The following GCC2 variants were observed in gnomAD, a reference collection of about 807,000 sequenced individuals.
The protein encoded by GCC2 is GRIP and coiled-coil domain containing 2.
In GCC2, 120 loss-of-function variants were observed where a neutral mutation model predicts 210.6. That is an observed-to-expected ratio of 0.57 (90% CI 0.49 to 0.66). GCC2 has a LOEUF of 0.66. GCC2 is among the 30% of genes least tolerant of loss of function. The pLI is 0.00. For missense variants in GCC2, 1,868 were observed against 1,871.9 expected, an observed-to-expected ratio of 1.00 and a Z score of 0.04; for synonymous variants, 703 against 652.7, an observed-to-expected ratio of 1.08 and a Z score of -1.17.
chr2:108,480,500 G>A (rs191677057), intron 9 of GCC2, among the ~76,000 whole-genome samples: 17 of 152,226 alleles, frequency 1.1e-4, no homozygotes, highest in East Asian at 7.7e-4. Flanking sequence ...GGAATCAACC[G>A]AAAGGCCTGT....
chr2:108,468,583 T>G (rs1681024922), intron 4 of GCC2, among the ~76,000 whole-genome samples: 1 of 152,210 alleles, frequency 6.6e-6, no homozygotes. Flanking sequence ...GCTTACTCTC[T>G]GACTGGTCCC....
intron 9 of GCC2, among the ~76,000 whole-genome samples, chr2:108,478,582 C>T (rs1414081572): frequency 6.6e-6 from 1 of 152,156 alleles, no homozygotes; most frequent in Non-Finnish European, 1.5e-5. Flanking sequence ...AAGCGTCTAC[C>T]CTACATAAGG....
intron 4 of GCC2, among the ~76,000 whole-genome samples, chr2:108,456,319 G>T (rs1318954723): frequency 6.6e-6 from 1 of 152,166 alleles, no homozygotes; most frequent in Non-Finnish European, 1.5e-5. Flanking sequence ...TAGTGACTAT[G>T]CTTACCTACA....
At chr2:108,482,260 A>T (rs1208249682) in intron 10 of GCC2, 27 bp from the exon 11 acceptor site, 5 of 1,411,588 alleles carry the variant, frequency 3.5e-6, no homozygotes, top group Admixed American at 1.9e-5. Flanking sequence ...TTGCATGTTT[A>T]TAGTAATGAA....
rs745847876 is a variant in GCC2, at chr2:108,471,814, C to T, written c.2485C>T (p.Leu829Phe). ...QEESVVQCEE[L>F]KSLLRDYEQE... ...AGAGAGTGTAGTTCAGTGTGAAGAA[C>T]TTAAGTCTTTATTGAGAGACTATGA... The change falls in exon 6 of 23, where the codon CTT (leucine) becomes TTT (phenylalanine). Residue 829 changes from leucine (L) to phenylalanine (F), a missense_variant. Leu to Phe is a conservative substitution (Grantham distance 22). Coordinates refer to ENST00000309863, the MANE Select transcript of GCC2 (RefSeq NM_181453.4). The T allele has an allele frequency of 6.2e-7, 1 of 1,613,322 alleles. No homozygotes were observed. Among genetic ancestry groups the T allele is most frequent in the Non-Finnish European group, 8.5e-7 (1 of 1,179,466 alleles).
intron 21 of GCC2, among the ~76,000 whole-genome samples, chr2:108,498,654 G>A (rs1049486576): frequency 1.3e-5 from 2 of 152,160 alleles, no homozygotes; most frequent in African/African-American, 4.8e-5. Flanking sequence ...TTTCAACCTG[G>A]AAATCTTCCT....
Position 108,487,796 on chromosome 2 carries a change from A to AG in GCC2, c.4028_4029insG (p.Thr1344AsnfsTer2). On this transcript the variant is annotated frameshift_variant, in exon 17 of 23. Coordinates refer to ENST00000309863, the MANE Select transcript of GCC2 (RefSeq NM_181453.4). LOFTEE classifies it high-confidence loss of function. ...AAAAATAAATCTATGTCTCAGGCTG[A>AG]AACTGAGGGCGCTAAACAAGAAAGG... 6.2e-7 allele frequency: 1 copy of AG among 1,613,626 alleles called. No individual in the cohort carries two copies. Among genetic ancestry groups the AG allele is most frequent in the Non-Finnish European group, 8.5e-7 (1 of 1,179,778 alleles).
At chr2:108,453,824 ATTC>A (rs1558726311) in intron 4 of GCC2, among the ~76,000 whole-genome samples, 2 of 150,246 alleles carry the variant, frequency 1.3e-5, no homozygotes. Flanking sequence ...TGAGTTGCTT[ATTC>A]TTATTTCCAC....
chr2:108,505,548 ACT>A (rs748223339), intron 22 of GCC2, among the ~76,000 whole-genome samples: 7 of 152,118 alleles, frequency 4.6e-5, no homozygotes, highest in South Asian at 2.1e-4. Context: ...TTGCTAGCGG[ACT>A]CTCTGTCTTC....
Position 108,483,164 on chromosome 2 carries a change from A to C in GCC2, c.3448A>C (p.Lys1150Gln). 7.2e-7 allele frequency: 1 copy of C among 1,392,196 alleles called. No homozygotes were observed. The highest frequency in any genetic ancestry group is 1.2e-5 in the South Asian group (1 of 85,480). 86.2% of individuals were successfully genotyped at this position (1,392,196 alleles called of 1,614,324 possible). A position where few individuals can be genotyped will look rare whatever the true frequency, so the allele number is the denominator to read the frequency against. ...KTMQELELVK[K>Q]DAQQTTLMNM... ...CATGCAAGAATTAGAGCTGGTTAAA[A>C]AGGTAAAATAAAACACTAGGATCAA... The change falls in exon 12 of 23, where the codon AAG becomes CAG. Residue 1150 changes from lysine to glutamine, a missense_variant and splice_region_variant. Lys to Gln is a moderately conservative substitution (Grantham distance 53). Around this residue, in one of 3 missense-constraint regions of GCC2, gnomAD observed 1,847 missense variants for 1,765.2 expected, o/e 1.05. Coordinates refer to ENST00000309863, the MANE Select transcript of GCC2 (RefSeq NM_181453.4).
chr2:108,497,193 T>C, intron 21 of GCC2, 84 bp downstream of exon 21: 3 of 1,604,526 alleles, frequency 1.9e-6, no homozygotes, highest in Non-Finnish European at 2.6e-6. Flanking sequence ...CTCAGCTCAC[T>C]GCAAGCTCCA....
Position 108,472,222 on chromosome 2 carries a change from A to AT in GCC2, c.2787+109dup, listed in dbSNP as rs139786573. 4.5e-3 allele frequency: 3,374 copies of AT among 751,194 alleles called. 93 individuals are homozygous for AT. The African/African-American group carries it at 0.056, about 12-fold the overall frequency. The allele number at this position is 751,194 out of a possible 1,614,324, so 46.5% of individuals were successfully genotyped here. A position where few individuals can be genotyped will look rare whatever the true frequency, so the allele number is the denominator to read the frequency against. On this transcript the variant is annotated intron_variant, in intron 6 of 22. Coordinates refer to ENST00000309863, the MANE Select transcript of GCC2 (RefSeq NM_181453.4). Reference sequence around the variant, plus strand: ...TTGACGTCAAAAGTAAATTTTTACCATTTAAGCCCAAGTGGCAACTTTCTG... The same window carrying AT: ...TTGACGTCAAAAGTAAATTTTTACCATTTTAAGCCCAAGTGGCAACTTTCTG...
Position 108,481,807 on chromosome 2 carries a change from G to T in GCC2, c.3171G>T (p.Ser1057=). The change falls in exon 10 of 23, where the codon TCG becomes TCT. Residue 1057 remains serine, a synonymous_variant. Coordinates refer to ENST00000309863, the MANE Select transcript of GCC2 (RefSeq NM_181453.4). Reference sequence around the variant, plus strand: ...ACCTTACAAGACAATTAAGAAATTCGACTTTGCAGGTAATTTTTTAATAAA... The same window carrying T: ...ACCTTACAAGACAATTAAGAAATTCTACTTTGCAGGTAATTTTTTAATAAA... ...IEDLTRQLRN[S]TLQCETINSD... is the part of the protein sequence containing the mutation. 3 of 1,556,684 alleles carry T rather than the reference G, an allele frequency of 1.9e-6. No homozygotes were observed. Among genetic ancestry groups the T allele is most frequent in the South Asian group, 1.2e-5 (1 of 81,612 alleles).
At chr2:108,449,880 TTTTG>T in intron 2 of GCC2, 191 bp downstream of exon 2, 1 of 585,910 alleles carries the variant, frequency 1.7e-6, no homozygotes, top group Non-Finnish European at 3.0e-6. Flanking sequence ...TAGAAAGACT[TTTTG>T]TTTGCTTCCT....
At chr2:108,490,724 T>C (rs1311603623) in intron 18 of GCC2, among the ~76,000 whole-genome samples, 2 of 152,222 alleles carry the variant, frequency 1.3e-5, no homozygotes, top group African/African-American at 4.8e-5. Flanking sequence ...ACCAAAAGTT[T>C]CAGGGAAGAT....
At chr2:108,464,267 G>A (rs1319982262) in intron 4 of GCC2, among the ~76,000 whole-genome samples, 2 of 152,170 alleles carry the variant, frequency 1.3e-5, no homozygotes, top group African/African-American at 4.8e-5. Flanking sequence ...TGCAGGCAGT[G>A]GAATTTGTCC....
chr2:108,469,768 G>A lies in GCC2; in HGVS notation c.439G>A (p.Glu147Lys). ...GATGGCAGTACGTTCCAAATACAGT[G>A]AAGACAAAGCTAACTTACAAAAGCA... The part of the protein sequence containing the change: ...ELMAVRSKYS[E>K]DKANLQKQLE... Residue 147 changes from glutamate (E) to lysine (K), a missense_variant, in exon 6 of 23, where the codon GAA (glutamate) becomes AAA (lysine). Glu to Lys is a moderately conservative substitution (Grantham distance 56, BLOSUM62 1). Around this residue, in one of 3 missense-constraint regions of GCC2, gnomAD observed 1,847 missense variants for 1,765.2 expected, o/e 1.05. Coordinates refer to ENST00000309863, the MANE Select transcript of GCC2 (RefSeq NM_181453.4). The A allele has an allele frequency of 6.2e-7, 1 of 1,613,816 alleles. No individual in the cohort carries two copies. Among genetic ancestry groups the A allele is most frequent in the Non-Finnish European group, 8.5e-7 (1 of 1,179,796 alleles).
At chr2:108,504,338 A>C (rs1284767004) in intron 22 of GCC2, among the ~76,000 whole-genome samples, 3 of 152,122 alleles carry the variant, frequency 2.0e-5, no homozygotes, top group Non-Finnish European at 4.4e-5. Flanking sequence ...TATTTGGGAA[A>C]CATTAGCTTA....
At chr2:108,490,430 C>T (rs1169795226) in intron 18 of GCC2, among the ~76,000 whole-genome samples, 2 of 151,982 alleles carry the variant, frequency 1.3e-5, no homozygotes, top group African/African-American at 4.8e-5. Flanking sequence ...ATATTTTGTT[C>T]ACTGTAATAC....
Sources: gnomAD v4.1 joint callset for allele counts (sites outside exome capture counted in the v4.1 genomes callset) on GRCh38, gnomAD v4.1.1 for gene constraint, gnomAD v4.1.1 regional missense constraint, MANE v1.5 for transcripts, NCBI Gene and HGNC (gene_info 2026-07-23, HGNC 2026-07-21) for gene names.